The following SRSF5 variants were observed in gnomAD, a reference collection of about 807,000 sequenced individuals.
The protein encoded by SRSF5 is serine/arginine-rich splicing factor 5.
A neutral mutation model predicts 34.0 loss-of-function variants in SRSF5; 5 were observed. That is an observed-to-expected ratio of 0.15 (90% CI 0.08 to 0.31). The LOEUF (loss-of-function observed/expected upper bound fraction) is 0.31. Ranked by LOEUF, SRSF5 falls within the 10% of genes least tolerant of loss-of-function variation. The probability of loss-of-function intolerance (pLI) is 1.00; values close to 1 mark genes in which losing one functional copy is unlikely to be tolerated. For synonymous variants in SRSF5, 164 were observed against 117.7 expected, an observed-to-expected ratio of 1.39 and a Z score of -2.55; for missense variants, 223 against 351.4, an observed-to-expected ratio of 0.63 and a Z score of 2.92.
chr14:69,768,567 T>C, intron 2 of SRSF5, 37 bp from the exon 3 acceptor site: 2 of 1,595,836 alleles, frequency 1.3e-6, no homozygotes, highest in Non-Finnish European at 1.7e-6. Flanking sequence ...AATACTCTTC[T>C]AAAGCCAATG....
In SRSF5 at chr14:69,771,010, C is replaced by G. The variant is rs777202427; in HGVS notation, c.456C>G (p.Ala152=). 1 of 1,612,602 alleles carries G rather than the reference C, an allele frequency of 6.2e-7. No homozygotes were observed. Among genetic ancestry groups the G allele is most frequent in the South Asian group, 1.1e-5 (1 of 90,930 alleles). ...PKLNEGVVEF[A]SYGDLKNAIE... Reference sequence around the variant, plus strand: ...TCCATTTTAGGGTGGTTGAGTTTGCCTCTTATGGTGACTTAAAGAATGCTA... The same window carrying G: ...TCCATTTTAGGGTGGTTGAGTTTGCGTCTTATGGTGACTTAAAGAATGCTA... The change falls in exon 7 of 8, where the codon GCC becomes GCG. Residue 152 remains alanine, a synonymous_variant. Coordinates refer to ENST00000557154, the MANE Select transcript of SRSF5 (RefSeq NM_001320214.2).
chr14:69,767,552 T>C (rs1412480883), intron 1 of SRSF5: 4 of 455,778 alleles, frequency 8.8e-6, no homozygotes, highest in African/African-American at 6.0e-5. Flanking sequence ...TCCCTGACTT[T>C]GCTGGCGATG....
At chr14:69,770,366 C>G in intron 5 of SRSF5, 101 bp from the exon 6 acceptor site, 2 of 1,506,336 alleles carry the variant, frequency 1.3e-6, no homozygotes, top group East Asian at 2.5e-5. Context: ...TGTACTTTAT[C>G]TAACATCTTC....
chr14:69,769,196 T>C lies in SRSF5; in HGVS notation c.311T>C (p.Val104Ala). Residue 104 changes from valine (V) to alanine (A), a missense_variant, in exon 5 of 8, where the codon GTA becomes GCA. This residue lies in a region of SRSF5 where 44 missense variants were observed against 44.3 expected (regional missense o/e 0.99). Coordinates refer to ENST00000557154, the MANE Select transcript of SRSF5 (RefSeq NM_001320214.2). The stretch of plus-strand genomic sequence containing the variant: ...TTCTTCCTCAGAAATGCTCCACCTG[T>C]AAGAACAGAAAATCGTCTTATAGTT... ...PRNDRRNAPP[V>A]RTENRLIVEN... The C allele has an allele frequency of 6.2e-7, 1 of 1,614,228 alleles. No individual in the cohort carries two copies. The highest frequency in any genetic ancestry group is 8.5e-7 in the Non-Finnish European group (1 of 1,180,032).
chr14:69,767,355 C>T (rs1206990840), intron 1 of SRSF5, 100 bp downstream of exon 1: 1 of 455,686 alleles, frequency 2.2e-6, no homozygotes, highest in African/African-American at 2.0e-5. Context: ...CGGAGGATGG[C>T]GTCTAATGAG....
intron 5 of SRSF5, 169 bp downstream of exon 5, chr14:69,769,420 A>T: frequency 6.6e-7 from 1 of 1,521,544 alleles, no homozygotes; most frequent in Non-Finnish European, 8.8e-7. Context: ...TTGAACTTTA[A>T]TATTAGTGAT....
rs1167619923 is a variant in SRSF5, at chr14:69,771,592, G to T, written c.*131G>T. ...GGGTGGGATTTGGAAGGGGGGTTGGGTTGGGCTGGATATCTTTGTAGATGT... is the reference window on the plus strand; with the variant it reads ...GGGTGGGATTTGGAAGGGGGGTTGGTTTGGGCTGGATATCTTTGTAGATGT... On this transcript the variant is annotated 3_prime_UTR_variant, in exon 8 of 8. Coordinates refer to ENST00000557154, the MANE Select transcript of SRSF5 (RefSeq NM_001320214.2). 8.3e-6 allele frequency: 8 copies of T among 961,350 alleles called. No homozygotes were observed. The highest frequency in any genetic ancestry group is 3.1e-5 in the East Asian group (1 of 31,824). The allele number at this position is 961,350 out of a possible 1,614,324, so 59.6% of individuals were successfully genotyped here.
intron 1 of SRSF5, chr14:69,767,649 A>G: frequency 5.0e-6 from 2 of 401,744 alleles, no homozygotes; most frequent in Non-Finnish European, 1.0e-5. Flanking sequence ...TGGCACGCGC[A>G]GCTCTGCTGC....
intron 5 of SRSF5, chr14:69,769,750 TC>T (rs751941602): frequency 2.0e-4 from 276 of 1,376,956 alleles, no homozygotes; most frequent in Non-Finnish European, 2.5e-4. Context: ...AGACCTGTCT[TC>T]CTGTAACGCT....
intron 5 of SRSF5, chr14:69,769,668 CG>C: frequency 6.6e-7 from 1 of 1,505,020 alleles, no homozygotes; most frequent in East Asian, 2.5e-5. Context: ...TAGACGTTAT[CG>C]GTGCACTTCC....
Position 69,771,438 on chromosome 14 carries a change from A to G in SRSF5, c.796A>G (p.Arg266Gly), listed in dbSNP as rs748013818. Residue 266 changes from arginine (R) to glycine (G), a missense_variant, in exon 8 of 8, where the codon AGA becomes GGA. Arg to Gly is a moderately radical substitution (Grantham distance 125). Around this residue, in one of 4 missense-constraint regions of SRSF5, gnomAD observed 115 missense variants for 119.7 expected, o/e 0.96. Coordinates refer to ENST00000557154, the MANE Select transcript of SRSF5 (RefSeq NM_001320214.2). The part of the protein sequence containing the change: ...RQRSRSRSRS[R>G]SVDSGN ...GAGGTCCCGGTCCCGATCAAGGTCC[A>G]GATCAGTTGACAGTGGCAATTAAAC... The G allele has an allele frequency of 5.0e-6, 8 of 1,614,244 alleles. No homozygotes were observed. Among genetic ancestry groups the G allele is most frequent in the Middle Eastern group, 3.3e-4 (2 of 6,056 alleles).
intron 5 of SRSF5, chr14:69,769,653 C>A: frequency 2.0e-6 from 3 of 1,522,094 alleles, no homozygotes; most frequent in Non-Finnish European, 2.6e-6. Context: ...CTGTGTTTGC[C>A]GGTCTAGACG....
At chr14:69,768,708 CAT>C (rs747243497) in intron 3 of SRSF5, 34 bp downstream of exon 3, 12 of 1,611,068 alleles carry the variant, frequency 7.4e-6, no homozygotes, top group Non-Finnish European at 1.0e-5. Flanking sequence ...AACCCTGGGA[CAT>C]AGAGCAGACT....
intron 2 of SRSF5, 79 bp from the exon 3 acceptor site, chr14:69,768,525 C>A: frequency 7.1e-7 from 1 of 1,407,234 alleles, no homozygotes; most frequent in Non-Finnish European, 1.0e-6. Flanking sequence ...CCCATTCTGT[C>A]TCCTGATTTC....
rs1882933919 is a variant in SRSF5 at position 69,769,268 on chromosome 14, T to G, written c.366+17T>G. The G allele has an allele frequency of 1.2e-6, 2 of 1,613,260 alleles. No homozygotes were observed. The highest frequency in any genetic ancestry group is 2.7e-5 in the African/African-American group (2 of 74,872). ...AGCTGGCAGGTTTGTTGAAATACAG[T>G]TTTGAGTTATTTTGATGTGGCTTTT... On this transcript the variant is annotated intron_variant, in intron 5 of 7. Transcript: ENST00000557154.
chr14:69,767,367 G>A (rs1444473186), intron 1 of SRSF5, 112 bp downstream of exon 1: 3 of 455,992 alleles, frequency 6.6e-6, no homozygotes, highest in African/African-American at 2.0e-5. Context: ...TCTAATGAGC[G>A]CAGTTGATTC....
At chr14:69,767,642 C>G in intron 1 of SRSF5, 1 of 424,736 alleles carries the variant, frequency 2.4e-6, no homozygotes, top group South Asian at 1.6e-5. Context: ...GGGAATTTGG[C>G]ACGCGCAGCT....
intron 1 of SRSF5, chr14:69,767,830 C>T (rs970275652): frequency 3.3e-5 from 12 of 367,876 alleles, no homozygotes; most frequent in East Asian, 1.4e-4. Context: ...CCGCACTTCT[C>T]GGCCTTTCCT....
In SRSF5 at chr14:69,767,172, G is replaced by T. The variant is rs573817534; in HGVS notation, c.-103G>T. 1 of 353,474 alleles carries T rather than the reference G, an allele frequency of 2.8e-6. No homozygotes were observed. The highest frequency in any genetic ancestry group is 2.1e-5 in the South Asian group (1 of 46,804). The allele number at this position is 353,474 out of a possible 1,614,324, so 21.9% of individuals were successfully genotyped here. ...TTGTGGAGTGGCGTAGACGAGTTAAGTCCTGGTCTGCGTGGAGGTCGACGA... is the reference window on the plus strand; with the variant it reads ...TTGTGGAGTGGCGTAGACGAGTTAATTCCTGGTCTGCGTGGAGGTCGACGA... On this transcript the variant is annotated 5_prime_UTR_variant, in exon 1 of 8. Coordinates refer to ENST00000557154, the MANE Select transcript of SRSF5 (RefSeq NM_001320214.2).
Sources: allele counts gnomAD v4.1 joint callset, GRCh38; gene constraint gnomAD v4.1.1; regional missense constraint gnomAD v4.1.1; transcripts MANE v1.5; gene names NCBI Gene and HGNC (gene_info 2026-07-23, HGNC 2026-07-21).